The following SETBP1 variants were observed in gnomAD, a reference collection of about 807,000 sequenced individuals.
SETBP1 encodes SET-binding protein.
A neutral mutation model predicts 101.0 loss-of-function variants in SETBP1; 9 were observed. The ratio of observed to expected loss-of-function variants is 0.09; its 90% CI spans 0.05 to 0.16. The LOEUF is 0.16. Among genes scored for constraint, SETBP1 ranks in the 10% least tolerant of loss-of-function variants. The pLI is 1.00. For missense variants in SETBP1, 1,858 were observed against 2,033.8 expected (o/e 0.91, Z 1.66); for synonymous variants, 818 against 788.5 (o/e 1.04, Z -0.63).
chr18:44,974,901 T>G (rs1233580031), intron 4 of SETBP1, among the ~76,000 whole-genome samples: 1 of 152,188 alleles, frequency 6.6e-6, no homozygotes, highest in Non-Finnish European at 1.5e-5. Context: ...GGATACATTT[T>G]TACTAAATTG....
At chr18:45,011,006 G>A (rs2072826935) in intron 4 of SETBP1, among the ~76,000 whole-genome samples, 1 of 152,196 alleles carries the variant, frequency 6.6e-6, no homozygotes, top group Non-Finnish European at 1.5e-5. Flanking sequence ...TAATTCATGT[G>A]ATCAAGTGAA....
intron 3 of SETBP1, among the ~76,000 whole-genome samples, chr18:44,874,648 A>T (rs1205028088): frequency 6.6e-6 from 1 of 152,198 alleles, no homozygotes; most frequent in Non-Finnish European, 1.5e-5. Flanking sequence ...GGCCCACGAG[A>T]AGTGCAGTGT....
chr18:44,905,824 G>T (rs530938909), intron 3 of SETBP1, among the ~76,000 whole-genome samples: 4 of 152,340 alleles, frequency 2.6e-5, no homozygotes, highest in African/African-American at 9.6e-5. Context: ...TGGGAGAACT[G>T]TCAGAGGAGT....
At chr18:45,049,445 G>A (rs1043541713) in intron 5 of SETBP1, among the ~76,000 whole-genome samples, 2 of 152,086 alleles carry the variant, frequency 1.3e-5, no homozygotes, top group African/African-American at 2.4e-5. Flanking sequence ...GTTGGCCTAC[G>A]GAAGGTTATA....
intron 3 of SETBP1, among the ~76,000 whole-genome samples, chr18:44,947,290 A>G (rs2145078212): frequency 6.6e-6 from 1 of 152,232 alleles, no homozygotes; most frequent in African/African-American, 2.4e-5. Flanking sequence ...TCTGTTAGGT[A>G]CCAAGAGTAA....
At chr18:44,939,918 G>A (rs967346908) in intron 3 of SETBP1, among the ~76,000 whole-genome samples, 3 of 152,188 alleles carry the variant, frequency 2.0e-5, no homozygotes, top group Non-Finnish European at 4.4e-5. Flanking sequence ...TTGGTTGATA[G>A]TACAGATGAA....
chr18:44,993,265 G>T (rs952782869), intron 4 of SETBP1, among the ~76,000 whole-genome samples: 1 of 152,032 alleles, frequency 6.6e-6, no homozygotes, highest in African/African-American at 2.4e-5. Context: ...GAGGCCCAAT[G>T]TTCTCACATC....
chr18:44,740,989 AT>A (rs1335019425), intron 2 of SETBP1, among the ~76,000 whole-genome samples: 1 of 152,244 alleles, frequency 6.6e-6, no homozygotes, highest in African/African-American at 2.4e-5. Context: ...GGACTAGTAG[AT>A]TATAAGATCA....
intron 4 of SETBP1, among the ~76,000 whole-genome samples, chr18:45,030,790 T>G (rs559014473): frequency 3.3e-5 from 5 of 151,708 alleles, no homozygotes; most frequent in African/African-American, 4.9e-5. Context: ...TTTTCTAGTT[T>G]GTTTGTGTAG....
intron 1 of SETBP1, among the ~76,000 whole-genome samples, chr18:44,686,409 C>T (rs7226756): frequency 0.018 from 2,682 of 152,314 alleles, 88 homozygotes; most frequent in African/African-American, 0.061. Flanking sequence ...TTGTCACCTC[C>T]AGGTGGCCAG....
chr18:44,976,874 G>C (rs1341595646), intron 4 of SETBP1, among the ~76,000 whole-genome samples: 1 of 152,190 alleles, frequency 6.6e-6, no homozygotes, highest in Non-Finnish European at 1.5e-5. Context: ...AAGTATTCAT[G>C]TATTTATATT....
intron 2 of SETBP1, among the ~76,000 whole-genome samples, chr18:44,717,751 C>A (rs1019826771): frequency 1.3e-5 from 2 of 152,004 alleles, no homozygotes; most frequent in Non-Finnish European, 1.5e-5. Context: ...AGCCTGTGAC[C>A]CAGAGCACTG....
intron 2 of SETBP1, among the ~76,000 whole-genome samples, chr18:44,730,922 G>A (rs1295706641): frequency 6.6e-6 from 1 of 152,232 alleles, no homozygotes; most frequent in African/African-American, 2.4e-5. Flanking sequence ...GATCGGCCTA[G>A]TAGTGATAGT....
intron 4 of SETBP1, among the ~76,000 whole-genome samples, chr18:44,984,181 A>C (rs915360707): frequency 4.0e-5 from 6 of 150,012 alleles, no homozygotes; most frequent in African/African-American, 1.5e-4. Flanking sequence ...AGACAGAGCA[A>C]GACTCCGTCT....
intron 4 of SETBP1, among the ~76,000 whole-genome samples, chr18:44,970,333 C>T (rs867428534): frequency 1.3e-5 from 2 of 152,216 alleles, no homozygotes; most frequent in Non-Finnish European, 2.9e-5. Context: ...TAGTTAGTAA[C>T]TCACGGGGTG....
intron 2 of SETBP1, among the ~76,000 whole-genome samples, chr18:44,854,602 G>A (rs867409506): frequency 3.3e-5 from 5 of 152,088 alleles, no homozygotes; most frequent in Non-Finnish European, 7.3e-5. Flanking sequence ...TCTTCCCAAC[G>A]TCAACAAAAA....
Position 44,952,075 on chromosome 18 carries a change from A to C in SETBP1, c.2735A>C (p.Lys912Thr). 1.2e-6 allele frequency: 2 copies of C among 1,614,148 alleles called. No homozygotes were observed. The highest frequency in any genetic ancestry group is 1.7e-6 in the Non-Finnish European group (2 of 1,180,032). Residue 912 changes from lysine to threonine, a missense_variant, in exon 4 of 6, where the codon AAG becomes ACG. This residue lies in a region of SETBP1 where 255 missense variants were observed against 300.1 expected (regional missense o/e 0.85). Transcript: ENST00000649279. ...PEAIPSDTSTKNRHGHRQKHL... is the reference protein window; with the variant it reads ...PEAIPSDTSTTNRHGHRQKHL... ...GCCATTCCGTCCGACACCAGCACAA[A>C]GAACCGGCATGGCCACCGGCAAAAG...
chr18:44,885,539 A>G (rs1355745717), intron 3 of SETBP1, among the ~76,000 whole-genome samples: 1 of 152,064 alleles, frequency 6.6e-6, no homozygotes, highest in Non-Finnish European at 1.5e-5. Context: ...ACTTTTTGGT[A>G]ACACATGAAC....
intron 5 of SETBP1, among the ~76,000 whole-genome samples, chr18:45,053,263 A>C (rs1295121920): frequency 6.6e-6 from 1 of 152,220 alleles, no homozygotes; most frequent in African/African-American, 2.4e-5. Context: ...AATTCTAGGC[A>C]CTAAAATCTC....
Sources: allele counts gnomAD v4.1 joint callset (sites outside exome capture counted in the v4.1 genomes callset), GRCh38; gene constraint gnomAD v4.1.1; regional missense constraint gnomAD v4.1.1; transcripts MANE v1.5; gene names NCBI Gene and HGNC (gene_info 2026-07-23, HGNC 2026-07-21).